The following LCA5 variants were observed in gnomAD, a reference collection of about 807,000 sequenced individuals.
The protein encoded by LCA5 is lebercilin.
A neutral mutation model predicts 53.0 loss-of-function variants in LCA5; 37 were observed. That is an observed-to-expected ratio of 0.70 (90% CI 0.54 to 0.92). The LOEUF is 0.92. Ranked by LOEUF, LCA5 falls within the 40% of genes least tolerant of loss-of-function variation. The pLI is 0.00. For synonymous variants in LCA5, 303 were observed against 282.9 expected, an observed-to-expected ratio of 1.07 and a Z score of -0.71; for missense variants, 806 against 790.5, an observed-to-expected ratio of 1.02 and a Z score of -0.23.
At chr6:79,521,172 G>C (rs1766614022) in intron 1 of LCA5, among the ~76,000 whole-genome samples, 1 of 152,180 alleles carries the variant, frequency 6.6e-6, no homozygotes, top group Non-Finnish European at 1.5e-5. Context: ...ACAGGGGAAG[G>C]AAGGAAGCAG....
rs904422663 is a variant in LCA5, at chr6:79,486,913, T to C, written c.*91A>G. 148 of 1,078,024 alleles carry C rather than the reference T, an allele frequency of 1.4e-4. No individual in the cohort carries two copies. The highest frequency in any genetic ancestry group is 1.1e-4 in the South Asian group (7 of 62,322). 66.8% of individuals were successfully genotyped at this position (1,078,024 alleles called of 1,614,324 possible). On this transcript the variant is annotated 3_prime_UTR_variant, in exon 8 of 8. Coordinates refer to ENST00000369846, the MANE Select transcript of LCA5 (RefSeq NM_001122769.3). ...TAAAAATCATTCCTTAATAAGGACA[T>C]TTTAGCATTAAAAAGTCTAAATGTT...
chr6:79,516,830 A>G (rs1362393886), intron 2 of LCA5, among the ~76,000 whole-genome samples: 1 of 151,954 alleles, frequency 6.6e-6, no homozygotes, highest in Non-Finnish European at 1.5e-5. Context: ...TTAACATAGT[A>G]AAAATAAATT....
intron 3 of LCA5, among the ~76,000 whole-genome samples, chr6:79,507,618 C>T (rs113863497): frequency 5.9e-5 from 9 of 152,186 alleles, no homozygotes; most frequent in South Asian, 2.1e-4. Flanking sequence ...TGATCCTGTA[C>T]GGCAGACACA....
intron 3 of LCA5, among the ~76,000 whole-genome samples, chr6:79,511,541 T>C (rs560055792): frequency 6.6e-6 from 1 of 152,262 alleles, no homozygotes; most frequent in South Asian, 2.1e-4. Flanking sequence ...GTCTATATCT[T>C]GATTATGTTG....
intron 3 of LCA5, 47 bp downstream of exon 3, chr6:79,513,165 T>A (rs746742403): frequency 6.4e-7 from 1 of 1,559,546 alleles, no homozygotes; most frequent in Non-Finnish European, 8.8e-7. Flanking sequence ...AAATGCCCAA[T>A]GAGAAACATC....
chr6:79,509,098 C>T (rs1368277216), intron 3 of LCA5, among the ~76,000 whole-genome samples: 2 of 152,142 alleles, frequency 1.3e-5, no homozygotes, highest in African/African-American at 4.8e-5. Flanking sequence ...CTCCCCCCAT[C>T]CCCTCAAATA....
At chr6:79,518,390 T>C (rs2127682716) in intron 2 of LCA5, among the ~76,000 whole-genome samples, 1 of 152,276 alleles carries the variant, frequency 6.6e-6, no homozygotes, top group African/African-American at 2.4e-5. Flanking sequence ...ATATGATTTA[T>C]AAACTTTTTT....
chr6:79,499,196 C>G (rs9294148), intron 3 of LCA5, among the ~76,000 whole-genome samples: 14,295 of 152,026 alleles, frequency 0.094, 1,499 homozygotes, highest in East Asian at 0.55. Flanking sequence ...AGGATACATA[C>G]TAAGACACTA....
chr6:79,518,047 CA>C (rs1766496288), intron 2 of LCA5, among the ~76,000 whole-genome samples: 1 of 152,094 alleles, frequency 6.6e-6, no homozygotes, highest in Non-Finnish European at 1.5e-5. Context: ...TTACTAACTA[CA>C]ATGGGGTTTT....
intron 3 of LCA5, among the ~76,000 whole-genome samples, chr6:79,495,458 T>C (rs1769954555): frequency 6.6e-6 from 1 of 151,868 alleles, no homozygotes; most frequent in African/African-American, 2.4e-5. Flanking sequence ...AACCTGAGTA[T>C]ATAAAAAGTC....
rs577878179 is a variant in LCA5, at chr6:79,486,370, T to C, written c.*634A>G. The C allele has an allele frequency of 1.3e-5, 2 of 152,260 alleles. No homozygotes were observed. The highest frequency in any genetic ancestry group is 2.1e-4 in the South Asian group (1 of 4,836). The allele number at this position is 152,260 out of a possible 1,614,324, so 9.4% of individuals were successfully genotyped here. ...GTCTTCCGAACTCAACATAATATTC[T>C]AACAGAATTGTAGGTAAGTGATTTC... On this transcript the variant is annotated 3_prime_UTR_variant, in exon 8 of 8. Transcript: ENST00000369846.
chr6:79,531,656 C>T lies in LCA5; in HGVS notation c.-192+5509G>A, dbSNP rs115156750. 9.9e-3 allele frequency among the ~76,000 whole-genome samples: 1,504 copies of T among 152,268 alleles called. 33 individuals carry two copies. Among genetic ancestry groups the T allele is most frequent in the African/African-American group, 0.035 (1,442 of 41,552 alleles). On this transcript the variant is annotated intron_variant, in intron 1 of 7. Transcript: ENST00000369846. ...ATTTCTTCTTTTGCACATCTCCTCC[C>T]ACCATCAGCCAATTTTCTGTCGTAC... is the stretch of plus-strand genomic sequence containing the variant.
chr6:79,502,597 T>C (rs879845935), intron 3 of LCA5, among the ~76,000 whole-genome samples: 4 of 152,092 alleles, frequency 2.6e-5, no homozygotes, highest in Non-Finnish European at 5.9e-5. Context: ...TGACAGACTT[T>C]GAAAAAACAA....
chr6:79,511,864 G>A (rs918037769), intron 3 of LCA5, among the ~76,000 whole-genome samples: 7 of 152,022 alleles, frequency 4.6e-5, no homozygotes, highest in South Asian at 2.1e-4. Context: ...TTACCTCCAC[G>A]TATAACTCAG....
At chr6:79,535,816 A>G (rs1767098520) in intron 1 of LCA5, among the ~76,000 whole-genome samples, 1 of 152,214 alleles carries the variant, frequency 6.6e-6, no homozygotes, top group African/African-American at 2.4e-5. Flanking sequence ...AAAAAATAGA[A>G]GACGGAAGAC....
chr6:79,492,724 G>A, intron 4 of LCA5, 77 bp from the exon 5 acceptor site: 2 of 762,736 alleles, frequency 2.6e-6, no homozygotes, highest in Non-Finnish European at 4.5e-6. Context: ...TTTGTCATCT[G>A]GTATTTTCTT....
intron 3 of LCA5, among the ~76,000 whole-genome samples, chr6:79,497,804 C>A (rs553179749): frequency 2.4e-4 from 36 of 152,090 alleles, no homozygotes; most frequent in Non-Finnish European, 3.4e-4. Context: ...AAAACCTCAT[C>A]TCTACTAAAA....
intron 1 of LCA5, among the ~76,000 whole-genome samples, chr6:79,529,968 AG>A (rs1390461473): frequency 6.8e-5 from 3 of 44,106 alleles, no homozygotes; most frequent in African/African-American, 2.8e-4. Context: ...GGGTGGGGGG[AG>A]GGGGGAGGGA....
intron 1 of LCA5, among the ~76,000 whole-genome samples, chr6:79,519,536 G>T (rs1392703517): frequency 1.3e-5 from 2 of 151,776 alleles, no homozygotes; most frequent in African/African-American, 2.4e-5. Flanking sequence ...AACCAACAAG[G>T]TGAAACCCCA....
Sources: allele counts gnomAD v4.1 joint callset (sites outside exome capture counted in the v4.1 genomes callset), GRCh38; gene constraint gnomAD v4.1.1; transcripts MANE v1.5; gene names NCBI Gene and HGNC (gene_info 2026-07-23, HGNC 2026-07-21).